The following TGFBR3 variants were observed in gnomAD, a reference collection of about 807,000 sequenced individuals.
TGFBR3 encodes transforming growth factor beta receptor type 3.
Under a neutral mutation model 87.9 loss-of-function variants are expected in TGFBR3, and 46 were observed. The observed-to-expected ratio is 0.52, with a 90% CI of 0.41 to 0.67. The LOEUF (loss-of-function observed/expected upper bound fraction) is 0.67, where lower values mean the gene tolerates loss of function less well. Ranked by LOEUF, TGFBR3 falls within the 30% of genes least tolerant of loss-of-function variation. The probability of loss-of-function intolerance (pLI) is 0.00; values close to 1 mark genes in which losing one functional copy is unlikely to be tolerated. For missense variants in TGFBR3, 866 were observed against 1,041.9 expected, an observed-to-expected ratio of 0.83 and a Z score of 2.32; for synonymous variants, 381 against 391.6, an observed-to-expected ratio of 0.97 and a Z score of 0.32.
intron 2 of TGFBR3, among the ~76,000 whole-genome samples, chr1:91,837,334 C>G (rs920506910): frequency 2.0e-5 from 3 of 152,114 alleles, no homozygotes; most frequent in African/African-American, 7.2e-5. Context: ...CAGCCTCCAC[C>G]TCGTGGGTTT....
intron 1 of TGFBR3, among the ~76,000 whole-genome samples, chr1:91,876,015 G>GAA (rs55856209): frequency 3.3e-5 from 5 of 150,988 alleles, no homozygotes; most frequent in South Asian, 4.2e-4. Context: ...GGGAAACCAA[G>GAA]AAAAAAAATG....
chr1:91,783,598 C>T lies in TGFBR3; in HGVS notation c.246+13689G>A, dbSNP rs958555842. 3.9e-5 allele frequency among the ~76,000 whole-genome samples: 6 copies of T among 152,140 alleles called. No individual in the cohort carries two copies. In the East Asian group the frequency reaches 5.8e-4, roughly 15 times the overall value. On this transcript the variant is annotated intron_variant, in intron 3 of 16. Coordinates refer to ENST00000212355, the MANE Select transcript of TGFBR3 (RefSeq NM_003243.5). ...CTCTAAATAAACAGACTCTTCTGGC[C>T]GACACACAACTTCCTGTAGGATTCT...
chr1:91,846,495 A>G (rs1677504533), intron 2 of TGFBR3, among the ~76,000 whole-genome samples: 1 of 152,114 alleles, frequency 6.6e-6, no homozygotes, highest in South Asian at 2.1e-4. Flanking sequence ...TGCTTGGATC[A>G]GGCTCTCGGA....
intron 16 of TGFBR3, 64 bp from the exon 17 acceptor site, chr1:91,683,921 A>C: frequency 7.0e-7 from 1 of 1,425,110 alleles, no homozygotes; most frequent in Non-Finnish European, 9.7e-7. Context: ...GCATTCCTGA[A>C]AAGATCATTT....
intron 3 of TGFBR3, among the ~76,000 whole-genome samples, chr1:91,781,561 A>G (rs1185809870): frequency 6.6e-6 from 1 of 152,230 alleles, no homozygotes; most frequent in Middle Eastern, 3.2e-3. Context: ...CTTTATGAGT[A>G]CCGTAAGTAT....
chr1:91,887,262 T>TTTTTTTTTTTTTTTTTTTTTTTG (rs1165045165), upstream of TGFBR3, among the ~76,000 whole-genome samples: 3 of 125,274 alleles, frequency 2.4e-5, 1 homozygote, highest in African/African-American at 1.0e-4. Flanking sequence ...TTTTTTTTTT[T>TTTTTTTTTTTTTTTTTTTTTTTG]TGAGATGGAG....
intron 4 of TGFBR3, among the ~76,000 whole-genome samples, chr1:91,747,862 C>G (rs531997205): frequency 6.6e-6 from 1 of 152,370 alleles, no homozygotes; most frequent in Admixed American, 6.5e-5. Flanking sequence ...CATGCCTGAG[C>G]TGCCCTTCCT....
chr1:91,905,472 G>T (rs1679826038), intron 1 of TGFBR3, among the ~76,000 whole-genome samples: 1 of 152,102 alleles, frequency 6.6e-6, no homozygotes. Context: ...TCACTCTGTT[G>T]CCCAGGCTGA....
At chr1:91,738,308 G>A (rs908773461) in intron 4 of TGFBR3, among the ~76,000 whole-genome samples, 1 of 152,148 alleles carries the variant, frequency 6.6e-6, no homozygotes, top group African/African-American at 2.4e-5. Flanking sequence ...TTTACTAATT[G>A]ATATAGTTTG....
At chr1:91,723,480 TAAAAAAAAA>T (rs58578681) in intron 7 of TGFBR3, among the ~76,000 whole-genome samples, 182 of 109,132 alleles carry the variant, frequency 1.7e-3, no homozygotes, top group Middle Eastern at 5.8e-3. Context: ...GACCCTGCCT[TAAAAAAAAA>T]AAAAAAAAAA....
At chr1:91,831,095 A>G (rs1283300833) in intron 2 of TGFBR3, among the ~76,000 whole-genome samples, 1 of 152,144 alleles carries the variant, frequency 6.6e-6, no homozygotes, top group Non-Finnish European at 1.5e-5. Flanking sequence ...AGACCTCACA[A>G]GCTGGGGCAC....
At chr1:91,901,365 A>C (rs115282963) in intron 1 of TGFBR3, among the ~76,000 whole-genome samples, 1 of 152,216 alleles carries the variant, frequency 6.6e-6, no homozygotes, top group African/African-American at 2.4e-5. Context: ...GTCAGAAGTA[A>C]TATCTGAAAA....
intron 16 of TGFBR3, among the ~76,000 whole-genome samples, chr1:91,685,053 G>A (rs556622464): frequency 1.3e-5 from 2 of 152,138 alleles, no homozygotes; most frequent in South Asian, 4.2e-4. Flanking sequence ...TCTCTTTCTG[G>A]GGCCCCTCAA....
intron 2 of TGFBR3, among the ~76,000 whole-genome samples, chr1:91,837,350 A>G (rs1002001438): frequency 2.2e-4 from 33 of 152,066 alleles, no homozygotes; most frequent in African/African-American, 7.5e-4. Context: ...GGTTTAAGCA[A>G]TTCTCCTGCC....
At chr1:91,880,390 G>A (rs1293773168) in intron 1 of TGFBR3, among the ~76,000 whole-genome samples, 2 of 152,138 alleles carry the variant, frequency 1.3e-5, no homozygotes, top group East Asian at 3.9e-4. Flanking sequence ...ACGAGGTCAG[G>A]AGATTGAGAC....
intron 2 of TGFBR3, among the ~76,000 whole-genome samples, chr1:91,854,695 T>A (rs749670836): frequency 1.3e-5 from 2 of 152,160 alleles, no homozygotes; most frequent in African/African-American, 2.4e-5. Flanking sequence ...TATAAAAACA[T>A]CATGATGTAC....
At chr1:91,746,559 T>C (rs1209692704) in intron 4 of TGFBR3, among the ~76,000 whole-genome samples, 4 of 152,210 alleles carry the variant, frequency 2.6e-5, no homozygotes, top group Non-Finnish European at 5.9e-5. Context: ...GCCATATTCC[T>C]TTATCTAATT....
At chr1:91,779,340 T>C (rs530432266) in intron 3 of TGFBR3, among the ~76,000 whole-genome samples, 10 of 152,306 alleles carry the variant, frequency 6.6e-5, no homozygotes, top group African/African-American at 2.4e-4. Flanking sequence ...CTCTATGAAG[T>C]AGATACTATG....
At chr1:91,883,064 C>A (rs2770183) in intron 1 of TGFBR3, among the ~76,000 whole-genome samples, 21,003 of 152,266 alleles carry the variant, frequency 0.14, 1,668 homozygotes, top group East Asian at 0.35. Flanking sequence ...TTCTACAAAA[C>A]ACAAATGAGG....
Sources: allele counts gnomAD v4.1 joint callset (sites outside exome capture counted in the v4.1 genomes callset), GRCh38; gene constraint gnomAD v4.1.1; transcripts MANE v1.5; gene names NCBI Gene and HGNC (gene_info 2026-07-23, HGNC 2026-07-21).